Variants in TTN observed in about 807,000 individuals in gnomAD.
TTN encodes the protein titin.
TTN carries 1,525 observed loss-of-function variants against 3,223.0 expected under a neutral mutation model. That is an observed-to-expected ratio of 0.47 (90% CI 0.45 to 0.49). TTN has a LOEUF of 0.49. Among genes scored for constraint, TTN ranks in the 20% least tolerant of loss-of-function variants. The pLI is 0.00. For synonymous variants in TTN, 14,094 were observed against 15,161.0 expected (o/e 0.93, Z 5.17); for missense variants, 40,786 against 43,424.0 (o/e 0.94, Z 5.40).
At chr2:178,631,580 G>T (rs2059814323) in intron 236 of TTN, among the ~76,000 whole-genome samples, 2 of 152,010 alleles carry the variant, frequency 1.3e-5, no homozygotes, top group Admixed American at 1.3e-4. Flanking sequence ...ACAATTTTGT[G>T]TTCCTCCATT....
chr2:178,543,445 A>G lies in TTN; in HGVS notation c.96528T>C (p.Tyr32176=), dbSNP rs2555813. The change falls in exon 347 of 363, where the codon TAT becomes TAC. Residue 32176 remains tyrosine (Y), a synonymous_variant. Transcript: ENST00000589042. ...AAATATTTTCTGGCAGCACTCTGAA[A>G]TAGTACATGGTTCCTTCTACAAGTC... ...ISGLVEGTMY[Y]FRVLPENIYG... The G allele has an allele frequency of 6.2e-7, 1 of 1,613,846 alleles. No individual in the cohort carries two copies. Among genetic ancestry groups the G allele is most frequent in the East Asian group, 2.2e-5 (1 of 44,848 alleles).
rs890660293 is a variant in TTN, at chr2:178,755,761, T to C, written c.11254+461A>G. ...ACTTGGTCCCAATTTTCTATTTTCA[T>C]GGCCCCTTTGTAAACAACTAGAACC... On this transcript the variant is annotated intron_variant, in intron 46 of 362. Coordinates refer to ENST00000589042, the MANE Select transcript of TTN (RefSeq NM_001267550.2). Among the ~76,000 whole-genome samples, 4 of 152,298 alleles carry C rather than the reference T, an allele frequency of 2.6e-5. No individual in the cohort carries two copies. The East Asian group carries it at 7.7e-4, about 29-fold the overall frequency.
chr2:178,726,999 AC>A, intron 69 of TTN, 90 bp downstream of exon 69: 1 of 1,232,624 alleles, frequency 8.1e-7, no homozygotes, highest in Non-Finnish European at 1.1e-6. Context: ...TCAAATGGAA[AC>A]TAAAATGATA....
chr2:178,694,034 T>C (rs72650021), intron 117 of TTN, 26 bp from the exon 118 acceptor site: 5 of 1,568,768 alleles, frequency 3.2e-6, no homozygotes, highest in East Asian at 2.3e-5. Context: ...TTCACATTAG[T>C]ATTCCTTTTT....
intron 111 of TTN, among the ~76,000 whole-genome samples, chr2:178,700,165 T>A (rs2074704720): frequency 6.6e-6 from 1 of 152,240 alleles, no homozygotes; most frequent in African/African-American, 2.4e-5. Context: ...AAATCCAATT[T>A]ATGATTGTTG....
Position 178,750,642 on chromosome 2 carries a change from T to C in TTN, c.11311+2482A>G, listed in dbSNP as rs772438686. ...ATGTTTTCTTCCTTCTGTTCGGTTT[T>C]GAATTCATCAATTCGTGTAGAAGCA... On this transcript the variant is annotated intron_variant, in intron 47 of 362. Coordinates refer to ENST00000589042, the MANE Select transcript of TTN (RefSeq NM_001267550.2). 3 of 1,612,936 alleles carry C rather than the reference T, an allele frequency of 1.9e-6. No homozygotes were observed. The Admixed American group carries it at 5.0e-5, about 27-fold the overall frequency.
chr2:178,735,135 G>T (rs957015301), intron 50 of TTN, 147 bp from the exon 51 acceptor site: 2 of 870,696 alleles, frequency 2.3e-6, no homozygotes, highest in East Asian at 2.7e-5. Context: ...CATTTAATAG[G>T]TTCCTATCAT....
chr2:178,689,917 ATGTT>A, intron 121 of TTN, 21 bp from the exon 122 acceptor site: 3 of 1,596,692 alleles, frequency 1.9e-6, no homozygotes, highest in Non-Finnish European at 2.6e-6. Context: ...TTGAAACACA[ATGTT>A]AGTTCAGACA....
chr2:178,559,516 A>C lies in TTN; in HGVS notation c.86616T>G (p.Asp28872Glu). Residue 28872 changes from aspartate to glutamate, a missense_variant, in exon 326 of 363, where the codon GAT (aspartate) becomes GAG (glutamate). Physicochemically the swap from Asp to Glu is conservative, Grantham distance 45. Transcript: ENST00000589042. ...GGTAATTCTTCACTGGTGCTCCACC[A>C]TCGTTTTCAGGAACATCCCAGGATA... ...AVLSWDVPEN[D>E]GGAPVKNYHI... 6.2e-7 allele frequency: 1 copy of C among 1,613,812 alleles called. No individual in the cohort carries two copies. The highest frequency in any genetic ancestry group is 1.1e-5 in the South Asian group (1 of 91,076).
intron 352 of TTN, 34 bp downstream of exon 352, chr2:178,539,348 A>G: frequency 6.2e-7 from 1 of 1,600,274 alleles, no homozygotes. Context: ...TGCTGAAATA[A>G]TGTTTATAAT....
chr2:178,773,139 T>C lies in TTN; in HGVS notation c.7825A>G (p.Asn2609Asp). The change falls in exon 33 of 363, where the codon AAT becomes GAT. Residue 2609 changes from asparagine (N) to aspartate (D), a missense_variant. Coordinates refer to ENST00000589042, the MANE Select transcript of TTN (RefSeq NM_001267550.2). ...ACAGTAAGTTTTCCAGATGTCATAT[T>C]TTCTCCCGCGTAAAATGTGTATTTT... ...EGKYTFYAGENMTSGKLTVAG... is the reference protein window; with the variant it reads ...EGKYTFYAGEDMTSGKLTVAG... 6.2e-7 allele frequency: 1 copy of C among 1,613,934 alleles called. No individual in the cohort carries two copies. The highest frequency in any genetic ancestry group is 8.5e-7 in the Non-Finnish European group (1 of 1,179,926).
At position 178,689,012 on chromosome 2, in the gene TTN, T is replaced by C. The variant is rs1258915365; in HGVS notation, c.32095+41A>G. The C allele has an allele frequency of 6.3e-6, 9 of 1,418,574 alleles. No individual in the cohort carries two copies. In the African/African-American group the frequency reaches 1.3e-4, roughly 21 times the overall value. 87.9% of individuals were successfully genotyped at this position (1,418,574 alleles called of 1,614,324 possible). On this transcript the variant is annotated intron_variant, in intron 125 of 362. Coordinates refer to ENST00000589042, the MANE Select transcript of TTN (RefSeq NM_001267550.2). The stretch of plus-strand genomic sequence containing the variant: ...TTTAACACACTCGAAGATTTTTTTT[T>C]TTTTTTTTTTTTTTTGTCAGAGGAT...
At position 178,548,656 on chromosome 2, in the gene TTN, A is replaced by C. The variant is rs781038013; in HGVS notation, c.92970T>G (p.Asp30990Glu). The C allele has an allele frequency of 6.2e-7, 1 of 1,613,852 alleles. No individual in the cohort carries two copies. Among genetic ancestry groups the C allele is most frequent in the East Asian group, 2.2e-5 (1 of 44,872 alleles). Residue 30990 changes from aspartate (D) to glutamate (E), a missense_variant, in exon 339 of 363, where the codon GAT becomes GAG. Coordinates refer to ENST00000589042, the MANE Select transcript of TTN (RefSeq NM_001267550.2). The surrounding 1 kb of genome is among the most constrained non-coding windows in gnomAD (Gnocchi z 4.3). ...TLTVENCNRN[D>E]AGKYTLTVEN... Reference sequence around the variant, plus strand: ...CCACAGTAAGGGTATATTTCCCTGCATCATTTCTGTTGCAGTTTTCCACAG... The same window carrying C: ...CCACAGTAAGGGTATATTTCCCTGCCTCATTTCTGTTGCAGTTTTCCACAG...
At chr2:178,764,108 T>G in intron 43 of TTN, 69 bp downstream of exon 43, 1 of 1,608,736 alleles carries the variant, frequency 6.2e-7, no homozygotes, top group East Asian at 2.2e-5. Context: ...GAGGAGAAGC[T>G]GACAGAATGT....
In TTN at chr2:178,664,931, A is replaced by C; in HGVS notation, c.36044-5T>G. On this transcript the variant is annotated splice_region_variant and splice_polypyrimidine_tract_variant and intron_variant, in intron 165 of 362. Coordinates refer to ENST00000589042, the MANE Select transcript of TTN (RefSeq NM_001267550.2). ...TTTCTTGAGGAGCTTCGGGCGCTTG[A>C]AAGATATTAGCAATTCACATTTAAG... The C allele has an allele frequency of 1.9e-6, 3 of 1,603,396 alleles. No individual in the cohort carries two copies. Among genetic ancestry groups the C allele is most frequent in the Non-Finnish European group, 2.6e-6 (3 of 1,175,494 alleles).
chr2:178,736,425 G>A (rs2081452768), intron 49 of TTN, among the ~76,000 whole-genome samples: 1 of 152,164 alleles, frequency 6.6e-6, no homozygotes, highest in Non-Finnish European at 1.5e-5. Context: ...ATTATGTAAG[G>A]AAGATAAAGA....
In TTN at chr2:178,777,923, G is replaced by A. The variant is rs144672482; in HGVS notation, c.4261C>T (p.Arg1421Trp). The A allele has an allele frequency of 6.1e-5, 99 of 1,613,922 alleles. No homozygotes were observed. Among genetic ancestry groups the A allele is most frequent in the African/African-American group, 4.1e-4 (31 of 75,048 alleles). Reference sequence around the variant, plus strand: ...GGAGACATCCTTGCAGGTGACATCCGTGCAGGAGACATGCGTATAGGAGAC... The same window carrying A: ...GGAGACATCCTTGCAGGTGACATCCATGCAGGAGACATGCGTATAGGAGAC... ...SRSPIRMSPA[R>W]MSPARMSPAR... Residue 1421 changes from arginine to tryptophan, a missense_variant, in exon 25 of 363, where the codon CGG (arginine) becomes TGG (tryptophan). Arg to Trp is a moderately radical substitution (Grantham distance 101). Transcript: ENST00000589042.
rs1388854623 is a variant in TTN, at chr2:178,635,664, G to C, written c.41660C>G (p.Pro13887Arg). 4.4e-6 allele frequency: 7 copies of C among 1,601,180 alleles called. No homozygotes were observed. The highest frequency in any genetic ancestry group is 6.0e-6 in the Non-Finnish European group (7 of 1,173,392). ...VKPIRDQHVKPKGTAIFACDI... is the reference protein window; with the variant it reads ...VKPIRDQHVKRKGTAIFACDI... ...ACAGGCAAAAATAGCTGTCCCCTTG[G>C]GTTTCACATGCTGGTCTCGTATAGG... The change falls in exon 227 of 363, where the codon CCC becomes CGC. Residue 13887 changes from proline to arginine, a missense_variant. Transcript: ENST00000589042.
At chr2:178,631,395 G>A (rs1380441969) in intron 236 of TTN, 95 bp from the exon 237 acceptor site, 9 of 1,334,374 alleles carry the variant, frequency 6.7e-6, no homozygotes, top group Non-Finnish European at 9.0e-6. Flanking sequence ...AGAGTTCTGA[G>A]TATCTTTTAA....
Sources: gnomAD v4.1 joint callset for allele counts (sites outside exome capture counted in the v4.1 genomes callset) on GRCh38, gnomAD v4.1.1 for gene constraint, Gnocchi (gnomAD v3.1) non-coding constraint, MANE v1.5 for transcripts, NCBI Gene and HGNC (gene_info 2026-07-23, HGNC 2026-07-21) for gene names.